Variants in EFCAB6 observed in about 807,000 individuals in gnomAD.
EFCAB6 encodes the protein EF-hand calcium-binding domain-containing protein 6.
In EFCAB6, 156 loss-of-function variants were observed where a neutral mutation model predicts 169.8. That is an observed-to-expected ratio of 0.92 (90% CI 0.81 to 1.05). The LOEUF is 1.05. Ranked by LOEUF, EFCAB6 falls within the 50% of genes least tolerant of loss-of-function variation. The pLI is 0.00. For synonymous variants in EFCAB6, 698 were observed against 676.4 expected (o/e 1.03, Z -0.50); for missense variants, 1,800 against 1,829.1 (o/e 0.98, Z 0.29).
intron 3 of EFCAB6, among the ~76,000 whole-genome samples, chr22:43,773,340 G>A (rs1441947606): frequency 5.3e-5 from 8 of 152,042 alleles, no homozygotes; most frequent in Non-Finnish European, 5.9e-5. Context: ...GAAAAAAAAA[G>A]AGAATCTTCC....
chr22:43,789,112 A>T (rs911883761), intron 2 of EFCAB6, among the ~76,000 whole-genome samples: 1 of 152,176 alleles, frequency 6.6e-6, no homozygotes. Context: ...GTTGCCAGGA[A>T]CTGGAAGAAG....
chr22:43,550,671 CAAA>C (rs955666013), intron 27 of EFCAB6, among the ~76,000 whole-genome samples: 5 of 73,974 alleles, frequency 6.8e-5, no homozygotes, highest in Non-Finnish European at 5.7e-5. Flanking sequence ...GACTCTGTCT[CAAA>C]AAAAAAAAAA....
chr22:43,608,649 A>T, intron 21 of EFCAB6, 49 bp from the exon 22 acceptor site: 8 of 1,564,428 alleles, frequency 5.1e-6, no homozygotes, highest in Non-Finnish European at 7.0e-6. Context: ...TGTGCGTATG[A>T]CAGCAGAAAA....
intron 17 of EFCAB6, among the ~76,000 whole-genome samples, chr22:43,648,004 T>C (rs983802386): frequency 6.6e-6 from 1 of 152,214 alleles, no homozygotes; most frequent in East Asian, 1.9e-4. Flanking sequence ...TAATTTGTTA[T>C]AACTGCCCTA....
intron 26 of EFCAB6, among the ~76,000 whole-genome samples, chr22:43,569,183 C>T (rs980746833): frequency 3.3e-5 from 5 of 152,238 alleles, no homozygotes; most frequent in Admixed American, 3.3e-4. Flanking sequence ...GGACCCAGGA[C>T]ACATGCATGG....
At position 43,572,760 on chromosome 22, in the gene EFCAB6, A is replaced by G. The variant is rs973630881; in HGVS notation, c.3420+3537T>C. On this transcript the variant is annotated intron_variant, in intron 26 of 31. Transcript: ENST00000262726. This position sits in a 1 kb window ranked among gnomAD's most constrained non-coding sequence, Gnocchi z 4.0. ...AGCTGCTGCTGGAACCTGACATGTG[A>G]CGGAGTCACTCACTCCTGCTCTGTC... Among the ~76,000 whole-genome samples, 1 of 152,132 alleles carries G rather than the reference A, an allele frequency of 6.6e-6. No homozygotes were observed. The highest frequency in any genetic ancestry group is 2.4e-5 in the African/African-American group (1 of 41,400).
intron 10 of EFCAB6, among the ~76,000 whole-genome samples, chr22:43,706,461 C>T (rs1459570864): frequency 6.6e-6 from 1 of 152,218 alleles, no homozygotes; most frequent in African/African-American, 2.4e-5. Context: ...TTGGTCTCCC[C>T]CACCAGCAGG....
At chr22:43,546,765 C>T (rs865869638) in intron 27 of EFCAB6, among the ~76,000 whole-genome samples, 15 of 151,120 alleles carry the variant, frequency 9.9e-5, no homozygotes, top group Middle Eastern at 3.4e-3. Context: ...CCCAGCTATT[C>T]GGGAGGCTGA....
intron 20 of EFCAB6, among the ~76,000 whole-genome samples, chr22:43,617,295 G>A (rs2053759754): frequency 6.6e-6 from 1 of 152,160 alleles, no homozygotes. Flanking sequence ...AATTCCACCT[G>A]CACCAGAGGA....
chr22:43,769,704 A>T lies in EFCAB6; in HGVS notation c.351+3188T>A, dbSNP rs372698134. On this transcript the variant is annotated intron_variant, in intron 4 of 31. Coordinates refer to ENST00000262726, the MANE Select transcript of EFCAB6 (RefSeq NM_022785.4). ...AGATGGGACAGAGGAAAATGACATC[A>T]CAGTGTTGGAGGAGCCATCAAAGCC... Among the ~76,000 whole-genome samples, 67 of 152,218 alleles carry T rather than the reference A, an allele frequency of 4.4e-4. No homozygotes were observed. In the East Asian group the frequency reaches 5.8e-3, roughly 13 times the overall value.
Position 43,795,255 on chromosome 22 carries a change from A to G in EFCAB6, c.-7-12930T>C, listed in dbSNP as rs2062461263. 6.6e-6 allele frequency among the ~76,000 whole-genome samples: 1 copy of G among 152,278 alleles called. No individual in the cohort carries two copies. Among genetic ancestry groups the G allele is most frequent in the Non-Finnish European group, 1.5e-5 (1 of 68,052 alleles). ...AGGACAATGTCAAGAGAACAAGTAC[A>G]GTGGGGCATACACTATGAATACAAC... On this transcript the variant is annotated intron_variant, in intron 2 of 31. Coordinates refer to ENST00000262726, the MANE Select transcript of EFCAB6 (RefSeq NM_022785.4). This position sits in a 1 kb window ranked among gnomAD's most constrained non-coding sequence, Gnocchi z 4.2.
At chr22:43,694,212 G>A (rs1490005137) in intron 10 of EFCAB6, among the ~76,000 whole-genome samples, 1 of 151,446 alleles carries the variant, frequency 6.6e-6, no homozygotes, top group Non-Finnish European at 1.5e-5. Flanking sequence ...AGAGAGGAGA[G>A]AAAGAATGGG....
intron 6 of EFCAB6, among the ~76,000 whole-genome samples, chr22:43,747,638 C>A (rs1485081088): frequency 6.6e-6 from 1 of 152,158 alleles, no homozygotes; most frequent in East Asian, 1.9e-4. Flanking sequence ...TTCTTCCTGG[C>A]AAATTGATCC....
rs868197422 is a variant in EFCAB6 at position 43,722,409 on chromosome 22, T to C, written c.758-5437A>G. Among the ~76,000 whole-genome samples, 3 of 151,738 alleles carry C rather than the reference T, an allele frequency of 2.0e-5. No homozygotes were observed. The South Asian group carries it at 6.2e-4, about 32-fold the overall frequency. ...AGCTAAGTGTGGTGGCATGCGCCTG[T>C]AATCCCAGCTACTCAGGAGGCTGAG... On this transcript the variant is annotated intron_variant, in intron 8 of 31. Coordinates refer to ENST00000262726, the MANE Select transcript of EFCAB6 (RefSeq NM_022785.4).
intron 10 of EFCAB6, among the ~76,000 whole-genome samples, chr22:43,690,343 C>CAA (rs137802): frequency 0.4 from 38,225 of 94,542 alleles, 7,098 homozygotes; most frequent in South Asian, 0.43. Context: ...ACTAAAAATA[C>CAA]AAAAAAAAAA....
At chr22:43,742,134 G>A (rs1451195215) in intron 6 of EFCAB6, among the ~76,000 whole-genome samples, 5 of 152,196 alleles carry the variant, frequency 3.3e-5, no homozygotes, top group African/African-American at 4.8e-5. Context: ...CATTCCAGGT[G>A]TGGCAAACTA....
chr22:43,619,101 AG>A (rs1358645513), intron 20 of EFCAB6, among the ~76,000 whole-genome samples: 2 of 152,174 alleles, frequency 1.3e-5, no homozygotes, highest in Non-Finnish European at 2.9e-5. Context: ...CTGTGCAGGA[AG>A]TTCCAGGTTC....
At chr22:43,642,238 G>T (rs2055854329) in intron 17 of EFCAB6, among the ~76,000 whole-genome samples, 1 of 152,178 alleles carries the variant, frequency 6.6e-6, no homozygotes, top group African/African-American at 2.4e-5. Context: ...ACCATTCCCG[G>T]CTGAGATTGG....
intron 12 of EFCAB6, among the ~76,000 whole-genome samples, chr22:43,681,613 A>T (rs1231045812): frequency 2.0e-5 from 3 of 152,128 alleles, no homozygotes; most frequent in African/African-American, 7.2e-5. Flanking sequence ...TTGATTTTTT[A>T]AAATGTTATT....
Sources: gnomAD v4.1 joint callset for allele counts (sites outside exome capture counted in the v4.1 genomes callset) on GRCh38, gnomAD v4.1.1 for gene constraint, Gnocchi (gnomAD v3.1) non-coding constraint, MANE v1.5 for transcripts, NCBI Gene and HGNC (gene_info 2026-07-23, HGNC 2026-07-21) for gene names.